PHLDB1: variants seen among roughly 807,000 people sequenced by gnomAD.
The protein encoded by PHLDB1 is pleckstrin homology-like domain family B member 1.
Under a neutral mutation model 139.3 loss-of-function variants are expected in PHLDB1, and 65 were observed. That is an observed-to-expected ratio of 0.47 (90% CI 0.38 to 0.57). The LOEUF (loss-of-function observed/expected upper bound fraction) is 0.57, where lower values mean the gene tolerates loss of function less well. Ranked by LOEUF, PHLDB1 falls within the 20% of genes least tolerant of loss-of-function variation. The probability of loss-of-function intolerance (pLI) is 0.00; values close to 1 mark genes in which losing one functional copy is unlikely to be tolerated. For missense variants in PHLDB1, 1,624 were observed against 1,839.7 expected (o/e 0.88, Z 2.14); for synonymous variants, 679 against 734.5 (o/e 0.92, Z 1.22).
intron 6 of PHLDB1, among the ~76,000 whole-genome samples, chr11:118,630,431 A>C (rs1944609295): frequency 6.6e-6 from 1 of 152,216 alleles, no homozygotes; most frequent in Admixed American, 6.5e-5. Context: ...GCTGATAAAC[A>C]GCCAAGGGCT....
chr11:118,644,409 A>G, intron 15 of PHLDB1: 2 of 552,890 alleles, frequency 3.6e-6, no homozygotes, highest in East Asian at 6.3e-5. Flanking sequence ...TAGAGAGCCT[A>G]GCCAATAAGG....
At chr11:118,631,877 T>C (rs782676057) in intron 7 of PHLDB1, 36 bp from the exon 8 acceptor site, 160 of 1,577,850 alleles carry the variant, frequency 1.0e-4, no homozygotes, top group Non-Finnish European at 1.2e-4. Flanking sequence ...CAAAAGGCTC[T>C]AGGCTTCCTC....
At chr11:118,644,539 T>A (rs1947132949) in intron 15 of PHLDB1, 1 of 617,288 alleles carries the variant, frequency 1.6e-6, no homozygotes, top group Non-Finnish European at 2.4e-6. Context: ...GGAGTCCTTG[T>A]TGCTTGTGTG....
At position 118,611,777 on chromosome 11, in the gene PHLDB1, C is replaced by T. The variant is rs1397599890; in HGVS notation, c.-21-2039C>T. ...AGGTTGCGGTAAGCCGAGATAGCAC[C>T]GCTGCACTCCAGCCTGGGCAACAAG... On this transcript the variant is annotated intron_variant, in intron 1 of 22. Coordinates refer to ENST00000600882, the MANE Select transcript of PHLDB1 (RefSeq NM_001144758.3). This position sits in a 1 kb window ranked among gnomAD's most constrained non-coding sequence, Gnocchi z 4.7. Among the ~76,000 whole-genome samples the T allele has an allele frequency of 2.6e-5, 4 of 151,026 alleles. No homozygotes were observed. The highest frequency in any genetic ancestry group is 1.3e-4 in the Admixed American group (2 of 15,186).
chr11:118,614,490 G>A, intron 2 of PHLDB1, 69 bp from the exon 3 acceptor site: 3 of 1,570,898 alleles, frequency 1.9e-6, no homozygotes, highest in Non-Finnish European at 2.6e-6. Flanking sequence ...GAGAGTGCTG[G>A]TGTGACTGGT....
At position 118,645,286 on chromosome 11, in the gene PHLDB1, T is replaced by C; in HGVS notation, c.3122-70T>C. The C allele has an allele frequency of 8.1e-7, 1 of 1,233,376 alleles. No homozygotes were observed. Among genetic ancestry groups the C allele is most frequent in the Non-Finnish European group, 1.1e-6 (1 of 895,198 alleles). 76.4% of individuals were successfully genotyped at this position (1,233,376 alleles called of 1,614,324 possible). A position where few individuals can be genotyped will look rare whatever the true frequency, so the allele number is the denominator to read the frequency against. On this transcript the variant is annotated intron_variant, in intron 15 of 22. Transcript: ENST00000600882. This position sits in a 1 kb window ranked among gnomAD's most constrained non-coding sequence, Gnocchi z 5.1. ...CCTGCTTGCCCCTCCCTCTGTGTGT[T>C]GTGCTGCCAGTGGCCTGCTCCTTAG...
chr11:118,627,340 C>T lies in PHLDB1; in HGVS notation c.517C>T (p.Pro173Ser), dbSNP rs781783643. The T allele has an allele frequency of 6.8e-6, 11 of 1,613,992 alleles. No homozygotes were observed. In the Middle Eastern group the frequency reaches 6.6e-4, roughly 96 times the overall value. Residue 173 changes from proline to serine, a missense_variant, in exon 6 of 23, where the codon CCA becomes TCA. Pro to Ser is a moderately conservative substitution (Grantham distance 74). Transcript: ENST00000600882. ...AAGTCTGGTAAATGGGAACCACACC[C>T]CACAGACTGCAACACGGGGACCCTC... ...SESLVNGNHT[P>S]QTATRGPSAC...
chr11:118,609,940 C>T (rs966409665), intron 1 of PHLDB1, among the ~76,000 whole-genome samples: 3 of 152,044 alleles, frequency 2.0e-5, no homozygotes, highest in Non-Finnish European at 2.9e-5. Context: ...CCCCTCTCCT[C>T]GGGCCGCCCA....
At position 118,639,254 on chromosome 11, in the gene PHLDB1, A is replaced by G; in HGVS notation, c.2736+3A>G. 1.2e-6 allele frequency: 2 copies of G among 1,610,538 alleles called. No individual in the cohort carries two copies. The highest frequency in any genetic ancestry group is 1.7e-6 in the Non-Finnish European group (2 of 1,176,712). ...AGACCACATCGACCCTCAAAGAGGT[A>G]TCATGATTGGATTAGCCCCAGCTTC... On this transcript the variant is annotated splice_donor_region_variant and intron_variant, in intron 12 of 22. Transcript: ENST00000600882.
At chr11:118,652,179 A>C (rs1161476764) in intron 20 of PHLDB1, 1 of 152,150 alleles carries the variant, frequency 6.6e-6, no homozygotes, top group Non-Finnish European at 1.5e-5. Context: ...TTCCCCCCTA[A>C]CCTGGTCCCT....
In PHLDB1 at chr11:118,645,651, G is replaced by T; in HGVS notation, c.3416+1G>T. ...CCTGCTCCCCTGACAACATGTCCAGGTACACCCGACGCCTGGGCCCGCAGC... is the reference window on the plus strand; with the variant it reads ...CCTGCTCCCCTGACAACATGTCCAGTTACACCCGACGCCTGGGCCCGCAGC... On this transcript the variant is annotated splice_donor_variant, in intron 16 of 22. Transcript: ENST00000600882. LOFTEE classifies it high-confidence loss of function. This position sits in a 1 kb window ranked among gnomAD's most constrained non-coding sequence, Gnocchi z 5.1. The T allele has an allele frequency of 6.2e-7, 1 of 1,613,550 alleles. No homozygotes were observed. The highest frequency in any genetic ancestry group is 8.5e-7 in the Non-Finnish European group (1 of 1,179,644).
chr11:118,628,378 C>T lies in PHLDB1; in HGVS notation c.1555C>T (p.Pro519Ser), dbSNP rs781888641. The T allele has an allele frequency of 1.2e-6, 2 of 1,610,794 alleles. No individual in the cohort carries two copies. Among genetic ancestry groups the T allele is most frequent in the African/African-American group, 2.7e-5 (2 of 74,830 alleles). The change falls in exon 6 of 23, where the codon CCC becomes TCC. Residue 519 changes from proline to serine, a missense_variant. By Grantham distance (74) the Pro-to-Ser change is moderately conservative. Coordinates refer to ENST00000600882, the MANE Select transcript of PHLDB1 (RefSeq NM_001144758.3). ...LGARGRRTRS[P>S]SPTLGESLAP... ...GGCACGGGGCCGTAGGACACGGAGC[C>T]CCTCACCCACACTGGGTGAGTCTCT... is the stretch of plus-strand genomic sequence containing the variant.
At chr11:118,606,986 T>G (rs569670454), upstream of PHLDB1, among the ~76,000 whole-genome samples, 36 of 152,208 alleles carry the variant, frequency 2.4e-4, no homozygotes, top group African/African-American at 7.2e-4. Context: ...GTGCCTATCC[T>G]TAAGAAAGTC....
At chr11:118,629,910 T>G (rs1418821709) in intron 6 of PHLDB1, 7 of 828,690 alleles carry the variant, frequency 8.4e-6, no homozygotes, top group Non-Finnish European at 1.0e-5. Flanking sequence ...CACCTGCCAC[T>G]TTAAGTCTTG....
At chr11:118,630,483 C>G (rs979744301) in intron 6 of PHLDB1, among the ~76,000 whole-genome samples, 5 of 152,146 alleles carry the variant, frequency 3.3e-5, no homozygotes, top group African/African-American at 1.2e-4. Context: ...CAAAGAGGGC[C>G]GTGTCCTTGG....
At chr11:118,655,504 C>T (rs1300027478) in intron 20 of PHLDB1, 101 bp from the exon 21 acceptor site, 2 of 743,100 alleles carry the variant, frequency 2.7e-6, no homozygotes, top group East Asian at 2.5e-5. Flanking sequence ...GATCTTCACC[C>T]CATTTCCCAG....
intron 17 of PHLDB1, chr11:118,647,540 C>T (rs1947709531): frequency 6.1e-6 from 1 of 163,104 alleles, no homozygotes; most frequent in Non-Finnish European, 1.4e-5. Flanking sequence ...CTGGTGAAAC[C>T]CTGTCTACTA....
Position 118,648,550 on chromosome 11 carries a change from G to A in PHLDB1, c.3654+474G>A, listed in dbSNP as rs931018793. Among the ~76,000 whole-genome samples, 8 of 152,098 alleles carry A rather than the reference G, an allele frequency of 5.3e-5. No individual in the cohort carries two copies. The South Asian group carries it at 1.7e-3, about 32-fold the overall frequency. ...CCCCTCCTGCATGTGGAACTTCAGGGTGTGCTGGCCCACACCCCACAGGAC... is the reference window on the plus strand; with the variant it reads ...CCCCTCCTGCATGTGGAACTTCAGGATGTGCTGGCCCACACCCCACAGGAC... On this transcript the variant is annotated intron_variant, in intron 18 of 22. Coordinates refer to ENST00000600882, the MANE Select transcript of PHLDB1 (RefSeq NM_001144758.3).
chr11:118,642,409 A>G lies in PHLDB1; in HGVS notation c.2877+15A>G. The G allele has an allele frequency of 6.2e-7, 1 of 1,603,486 alleles. No individual in the cohort carries two copies. Among genetic ancestry groups the G allele is most frequent in the Non-Finnish European group, 8.5e-7 (1 of 1,178,952 alleles). On this transcript the variant is annotated intron_variant, in intron 13 of 22. Coordinates refer to ENST00000600882, the MANE Select transcript of PHLDB1 (RefSeq NM_001144758.3). ...GTCAGCTGCAGGTAACCCCTCCTTC[A>G]CTGCCCGTCCTCCCCAGCCTTTGCA...
Sources: gnomAD v4.1 joint callset for allele counts (sites outside exome capture counted in the v4.1 genomes callset) on GRCh38, gnomAD v4.1.1 for gene constraint, Gnocchi (gnomAD v3.1) non-coding constraint, MANE v1.5 for transcripts, NCBI Gene and HGNC (gene_info 2026-07-23, HGNC 2026-07-21) for gene names.